The following PCDHGA2 variants were observed in gnomAD, a reference collection of about 807,000 sequenced individuals.
The protein encoded by PCDHGA2 is protocadherin gamma-A2.
PCDHGA2 carries 40 observed loss-of-function variants against 59.2 expected under a neutral mutation model. That is an observed-to-expected ratio of 0.68 (90% CI 0.52 to 0.88). The LOEUF is 0.88. Ranked by LOEUF, PCDHGA2 falls within the 40% of genes least tolerant of loss-of-function variation. The probability of loss-of-function intolerance (pLI) is 0.00; values close to 1 mark genes in which losing one functional copy is unlikely to be tolerated. For synonymous variants in PCDHGA2, 560 were observed against 526.0 expected, an observed-to-expected ratio of 1.06 and a Z score of -0.89; for missense variants, 1,226 against 1,204.0, an observed-to-expected ratio of 1.02 and a Z score of -0.27.
intron 1 of PCDHGA2, chr5:141,441,694 G>A (rs1443778772): frequency 2.3e-5 from 7 of 301,140 alleles, no homozygotes; most frequent in Non-Finnish European, 2.6e-5. Context: ...GAGCAGCCGC[G>A]AGCCTTCAAG....
At chr5:141,411,134 G>A (rs1050594380) in intron 1 of PCDHGA2, 1 of 152,434 alleles carries the variant, frequency 6.6e-6, no homozygotes, top group Non-Finnish European at 1.5e-5. Context: ...ACAGGCGTGA[G>A]CCACAATATT....
chr5:141,383,995 A>G, intron 1 of PCDHGA2: 1 of 1,613,890 alleles, frequency 6.2e-7, no homozygotes, highest in East Asian at 2.2e-5. Context: ...TGGGACAGTC[A>G]TTGCTCTTTT....
intron 1 of PCDHGA2, chr5:141,382,957 C>T (rs1350220102): frequency 6.2e-7 from 1 of 1,606,282 alleles, no homozygotes; most frequent in Non-Finnish European, 8.5e-7. Flanking sequence ...CTCCATCCTC[C>T]TGGGGACCCC....
In PCDHGA2 at chr5:141,489,365, G is replaced by A. The variant is rs774363104; in HGVS notation, c.2425-5442G>A. ...TCAGTGGTGGAGGAGTCTGAGCCGG[G>A]GACGCTGGTGGGGAATGTTGCTCAG... On this transcript the variant is annotated intron_variant, in intron 1 of 3. Transcript: ENST00000394576. The surrounding 1 kb of genome is among the most constrained non-coding windows in gnomAD (Gnocchi z 4.5). The A allele has an allele frequency of 6.2e-7, 1 of 1,613,512 alleles. No individual in the cohort carries two copies.
rs2099669219 is a variant in PCDHGA2, at chr5:141,487,927, C to T, written c.2425-6880C>T. 3 of 626,498 alleles carry T rather than the reference C, an allele frequency of 4.8e-6. No homozygotes were observed. Among genetic ancestry groups the T allele is most frequent in the Admixed American group, 5.9e-5 (2 of 34,100 alleles). The allele number at this position is 626,498 out of a possible 1,614,324, so 38.8% of individuals were successfully genotyped here. On this transcript the variant is annotated intron_variant, in intron 1 of 3. Coordinates refer to ENST00000394576, the MANE Select transcript of PCDHGA2 (RefSeq NM_018915.4). The surrounding 1 kb of genome is among the most constrained non-coding windows in gnomAD (Gnocchi z 5.0). ...TGGGAGCACAGGAGGCTACAGTGCA[C>T]AGGGTACAGTGCACCAGGCAGTCAC...
At chr5:141,362,367 T>G (rs766511645) in intron 1 of PCDHGA2, 1 of 1,614,012 alleles carries the variant, frequency 6.2e-7, no homozygotes, top group South Asian at 1.1e-5. Flanking sequence ...CCAATTACAG[T>G]GAGGGTACAT....
intron 1 of PCDHGA2, chr5:141,352,414 C>T (rs1759006095): frequency 1.2e-6 from 2 of 1,614,062 alleles, no homozygotes; most frequent in Non-Finnish European, 1.7e-6. Context: ...CCAGCCTCGA[C>T]ACTGAGGGCT....
At chr5:141,463,438 CTTTTTTTTTTTTTT>C (rs71576115) in intron 1 of PCDHGA2, among the ~76,000 whole-genome samples, 7 of 103,256 alleles carry the variant, frequency 6.8e-5, no homozygotes, top group Non-Finnish European at 9.4e-5. Flanking sequence ...TTTCCTTCTC[CTTTTTTTTTTTTTT>C]TTTTTTTTTT....
At chr5:141,427,954 T>G in intron 1 of PCDHGA2, 1 of 1,587,162 alleles carries the variant, frequency 6.3e-7, no homozygotes, top group Non-Finnish European at 8.6e-7. Context: ...AATGACAATG[T>G]GCCGCGGGTG....
intron 1 of PCDHGA2, chr5:141,366,678 A>G (rs1764735373): frequency 1.9e-6 from 3 of 1,614,146 alleles, no homozygotes; most frequent in East Asian, 2.2e-5. Context: ...CTTAGTGAAG[A>G]GAGCTGTGAG....
intron 1 of PCDHGA2, chr5:141,356,345 T>C (rs1223520317): frequency 1.3e-6 from 2 of 1,555,176 alleles, no homozygotes; most frequent in African/African-American, 2.7e-5. Context: ...AATGGCCTAG[T>C]CACATGTTCT....
At chr5:141,422,168 G>T in intron 1 of PCDHGA2, 2 of 1,563,582 alleles carry the variant, frequency 1.3e-6, no homozygotes, top group Non-Finnish European at 1.7e-6. Context: ...GAAAAATATA[G>T]ATTCTATGAG....
intron 1 of PCDHGA2, chr5:141,405,012 C>T (rs748403581): frequency 1.2e-6 from 2 of 1,614,018 alleles, no homozygotes; most frequent in Non-Finnish European, 8.5e-7. Context: ...CTGGAGGCCT[C>T]AGACCTTACC....
At position 141,340,335 on chromosome 5, in the gene PCDHGA2, C is replaced by A; in HGVS notation, c.1364C>A (p.Thr455Lys). ...INDNAPAFSR[T>K]SYSTYIPENN... ...GACAACGCACCCGCCTTCTCCCGCA[C>A]ATCCTACTCCACCTACATTCCCGAA... The change falls in exon 1 of 4, where the codon ACA (threonine) becomes AAA (lysine). Residue 455 changes from threonine (T) to lysine (K), a missense_variant. By Grantham distance (78) the Thr-to-Lys change is moderately conservative (BLOSUM62 -1). Transcript: ENST00000394576. 1 of 1,614,210 alleles carries A rather than the reference C, an allele frequency of 6.2e-7. No homozygotes were observed.
chr5:141,374,573 A>T (rs1319007072), intron 1 of PCDHGA2: 15 of 1,613,740 alleles, frequency 9.3e-6, no homozygotes, highest in Non-Finnish European at 1.3e-5. Context: ...TGATGTGGGA[A>T]TGAACTCCCT....
At chr5:141,359,855 TAAAA>T (rs1343900120) in intron 1 of PCDHGA2, among the ~76,000 whole-genome samples, 2 of 151,960 alleles carry the variant, frequency 1.3e-5, no homozygotes, top group Non-Finnish European at 2.9e-5. Context: ...CTTTATAAAT[TAAAA>T]AAGAAAAGAA....
chr5:141,359,952 G>A (rs2149810633), intron 1 of PCDHGA2: 1 of 554,208 alleles, frequency 1.8e-6, no homozygotes, highest in African/African-American at 1.9e-5. Flanking sequence ...TTGGTCAAAA[G>A]AACGAAGAGA....
At chr5:141,463,583 G>A (rs1444995569) in intron 1 of PCDHGA2, among the ~76,000 whole-genome samples, 1 of 151,598 alleles carries the variant, frequency 6.6e-6, no homozygotes, top group African/African-American at 2.4e-5. Flanking sequence ...CGAGTAGCTG[G>A]GACTACAGGT....
At chr5:141,430,902 T>C (rs373775073) in intron 1 of PCDHGA2, 4 of 1,606,232 alleles carry the variant, frequency 2.5e-6, no homozygotes, top group Admixed American at 3.4e-5. Context: ...GTGGGCGACA[T>C]CTCCAGGGAC....
Sources: allele counts gnomAD v4.1 joint callset (sites outside exome capture counted in the v4.1 genomes callset), GRCh38; gene constraint gnomAD v4.1.1; non-coding constraint Gnocchi (gnomAD v3.1); transcripts MANE v1.5; gene names NCBI Gene and HGNC (gene_info 2026-07-23, HGNC 2026-07-21).